The following ESPL1 variants were observed in gnomAD, a reference collection of about 807,000 sequenced individuals.
ESPL1 encodes extra spindle pole bodies like 1, separase, also known as separin.
A neutral mutation model predicts 217.2 loss-of-function variants in ESPL1; 50 were observed. That is an observed-to-expected ratio of 0.23 (90% CI 0.18 to 0.29). The LOEUF is 0.29. ESPL1 is among the 10% of genes least tolerant of loss of function. ESPL1 has a pLI of 1.00. For missense variants in ESPL1, 1,834 were observed against 2,603.0 expected (o/e 0.70, Z 6.43); for synonymous variants, 994 against 1,081.3 (o/e 0.92, Z 1.58).
rs536953643 is a variant in ESPL1, at chr12:53,282,118, C to T, written c.2620-146C>T. Reference sequence around the variant, plus strand: ...ATTCTGCCTAGGTCCAGGGAGATCTCGAAAGCCAGGCAAATATTCAGAAAA... The same window carrying T: ...ATTCTGCCTAGGTCCAGGGAGATCTTGAAAGCCAGGCAAATATTCAGAAAA... On this transcript the variant is annotated intron_variant, in intron 13 of 30. Coordinates refer to ENST00000257934, the MANE Select transcript of ESPL1 (RefSeq NM_012291.5). This position sits in a 1 kb window ranked among gnomAD's most constrained non-coding sequence, Gnocchi z 4.0. 1.0e-5 allele frequency: 7 copies of T among 674,348 alleles called. No individual in the cohort carries two copies. The highest frequency in any genetic ancestry group is 2.7e-5 in the Admixed American group (1 of 37,102). 41.8% of individuals were successfully genotyped at this position (674,348 alleles called of 1,614,324 possible). A position where few individuals can be genotyped will look rare whatever the true frequency, so the allele number is the denominator to read the frequency against.
rs1404072969 is a variant in ESPL1, at chr12:53,277,230, G to T, written c.2085+3G>T. 3 of 1,605,040 alleles carry T rather than the reference G, an allele frequency of 1.9e-6. No homozygotes were observed. In the Admixed American group the frequency reaches 5.0e-5, roughly 27 times the overall value. On this transcript the variant is annotated splice_donor_region_variant and intron_variant, in intron 9 of 30. Transcript: ENST00000257934. The stretch of plus-strand genomic sequence containing the variant: ...CTCTGGAAGCCAAAATGCAGGAAGT[G>T]AGTGTGGCTGCTGTGGGGCTCACCA...
Position 53,286,116 on chromosome 12 carries a change from C to G in ESPL1, c.3380C>G (p.Pro1127Arg). The G allele has an allele frequency of 6.2e-7, 1 of 1,613,900 alleles. No homozygotes were observed. The highest frequency in any genetic ancestry group is 8.5e-7 in the Non-Finnish European group (1 of 1,179,782). The change falls in exon 18 of 31, where the codon CCA (proline) becomes CGA (arginine). Residue 1127 changes from proline (P) to arginine (R), a missense_variant. By Grantham distance (103) the Pro-to-Arg change is moderately radical. This residue lies in a region of ESPL1 where 681 missense variants were observed against 808.0 expected (regional missense o/e 0.84). Coordinates refer to ENST00000257934, the MANE Select transcript of ESPL1 (RefSeq NM_012291.5). This position sits in a 1 kb window ranked among gnomAD's most constrained non-coding sequence, Gnocchi z 5.3. ...GPIAPSTNSSPVLKTKPQPIP... is the reference protein window; with the variant it reads ...GPIAPSTNSSRVLKTKPQPIP... ...ATAGCACCTTCTACAAACTCCTCCC[C>G]AGTCTTGAAAACCAAGCCCCAGCCC...
In ESPL1 at chr12:53,292,797, C is replaced by T; in HGVS notation, c.5997-9C>T. The T allele has an allele frequency of 6.2e-7, 1 of 1,607,724 alleles. No individual in the cohort carries two copies. The highest frequency in any genetic ancestry group is 8.5e-7 in the Non-Finnish European group (1 of 1,179,760). On this transcript the variant is annotated splice_polypyrimidine_tract_variant and intron_variant, in intron 29 of 30. Coordinates refer to ENST00000257934, the MANE Select transcript of ESPL1 (RefSeq NM_012291.5). The surrounding 1 kb of genome is among the most constrained non-coding windows in gnomAD (Gnocchi z 4.5). ...AGCTCAAGACTCATCTCACCTCCTTCTGCCTTAGCTATGCAGGGCATGGGG... is the reference window on the plus strand; with the variant it reads ...AGCTCAAGACTCATCTCACCTCCTTTTGCCTTAGCTATGCAGGGCATGGGG...
chr12:53,277,139 A>C lies in ESPL1; in HGVS notation c.1997A>C (p.Glu666Ala). 1 of 1,614,076 alleles carries C rather than the reference A, an allele frequency of 6.2e-7. No individual in the cohort carries two copies. Among genetic ancestry groups the C allele is most frequent in the Non-Finnish European group, 8.5e-7 (1 of 1,179,884 alleles). ...ALQLLDSVRP[E>A]AQARDQLLDD... Reference sequence around the variant, plus strand: ...CAGCTTCTGGACTCTGTGAGGCCTGAGGCCCAGGCCAGAGATCAGCTTCTG... The same window carrying C: ...CAGCTTCTGGACTCTGTGAGGCCTGCGGCCCAGGCCAGAGATCAGCTTCTG... Residue 666 changes from glutamate (E) to alanine (A), a missense_variant, in exon 9 of 31, where the codon GAG (glutamate) becomes GCG (alanine). Glu to Ala is a moderately radical substitution (Grantham distance 107). Transcript: ENST00000257934.
intron 11 of ESPL1, among the ~76,000 whole-genome samples, chr12:53,279,414 C>A (rs1943824858): frequency 6.6e-6 from 1 of 152,206 alleles, no homozygotes; most frequent in East Asian, 1.9e-4. Flanking sequence ...AGCAACTTAA[C>A]CCATGTGAGT....
chr12:53,282,164 CCAGGGCCTT>C lies in ESPL1; in HGVS notation c.2620-94_2620-86del, dbSNP rs368880689. 1.4e-4 allele frequency: 132 copies of C among 932,678 alleles called. No individual in the cohort carries two copies. Among genetic ancestry groups the C allele is most frequent in the Non-Finnish European group, 1.8e-4 (108 of 586,738 alleles). The allele number at this position is 932,678 out of a possible 1,614,324, so 57.8% of individuals were successfully genotyped here. ...GAAAATTCTAAAATCTTTCTAATACCCAGGGCCTTCAGGGATGGGGCCACGTAATCTCCA... is the reference window on the plus strand; with the variant it reads ...GAAAATTCTAAAATCTTTCTAATACCCAGGGATGGGGCCACGTAATCTCCA... On this transcript the variant is annotated intron_variant, in intron 13 of 30. Transcript: ENST00000257934. The surrounding 1 kb of genome is among the most constrained non-coding windows in gnomAD (Gnocchi z 4.0).
intron 10 of ESPL1, 42 bp from the exon 11 acceptor site, chr12:53,277,779 G>A: frequency 6.2e-7 from 1 of 1,606,492 alleles, no homozygotes; most frequent in South Asian, 1.1e-5. Flanking sequence ...CTCTCCAGAT[G>A]GCCCATGCTG....
rs1442399526 is a variant in ESPL1, at chr12:53,286,286, C to T, written c.3550C>T (p.Leu1184=). 6.2e-7 allele frequency: 1 copy of T among 1,614,098 alleles called. No homozygotes were observed. Among genetic ancestry groups the T allele is most frequent in the Non-Finnish European group, 8.5e-7 (1 of 1,180,048 alleles). Residue 1184 remains leucine (L), a synonymous_variant, in exon 18 of 31, where the codon CTG becomes TTG. Transcript: ENST00000257934. This position sits in a 1 kb window ranked among gnomAD's most constrained non-coding sequence, Gnocchi z 5.3. ...MGHQAQGLDL[L]QVVLKGCPEA... ...CCACCAAGCCCAGGGTCTGGATCTG[C>T]TGCAGGTCGTGCTGAAGGGCTGTCC...
rs1944072380 is a variant in ESPL1 at position 53,292,131 on chromosome 12, G to C, written c.5796+43G>C. 4 of 1,526,046 alleles carry C rather than the reference G, an allele frequency of 2.6e-6. No homozygotes were observed. The highest frequency in any genetic ancestry group is 1.4e-5 in the African/African-American group (1 of 73,156). The allele number at this position is 1,526,046 out of a possible 1,614,324, so 94.5% of individuals were successfully genotyped here. On this transcript the variant is annotated intron_variant, in intron 27 of 30. Coordinates refer to ENST00000257934, the MANE Select transcript of ESPL1 (RefSeq NM_012291.5). This position sits in a 1 kb window ranked among gnomAD's most constrained non-coding sequence, Gnocchi z 4.5. ...GTGTCTGGGGATGACTGGCGACTGG[G>C]GAAGACGTCAACAAAGAAGGGCAGA...
chr12:53,274,756 C>G, intron 6 of ESPL1, 61 bp from the exon 7 acceptor site: 1 of 1,415,490 alleles, frequency 7.1e-7, no homozygotes, highest in Non-Finnish European at 9.9e-7. Flanking sequence ...TGCATATCCC[C>G]TTCCACCATA....
intron 5 of ESPL1, among the ~76,000 whole-genome samples, chr12:53,272,206 G>T (rs1035138828): frequency 3.3e-5 from 5 of 152,202 alleles, no homozygotes; most frequent in Admixed American, 2.0e-4. Flanking sequence ...GTTCTAGTTT[G>T]GGGGGAAAAG....
chr12:53,289,262 C>T lies in ESPL1; in HGVS notation c.4881C>T (p.Thr1627=). The change falls in exon 21 of 31, where the codon ACC becomes ACT. Residue 1627 remains threonine, a synonymous_variant. Transcript: ENST00000257934. ...AFLVTESVSI[T]CRHQLLTHLH... is the part of the protein sequence containing the mutation. ...TTGTCACCGAGTCTGTCTCCATCACCTGTCGCCACCAGCTGCTCACCCACC... is the reference window on the plus strand; with the variant it reads ...TTGTCACCGAGTCTGTCTCCATCACTTGTCGCCACCAGCTGCTCACCCACC... The T allele has an allele frequency of 4.3e-6, 7 of 1,612,240 alleles. No homozygotes were observed. In the Middle Eastern group the frequency reaches 4.9e-4, roughly 114 times the overall value.
intron 13 of ESPL1, 68 bp downstream of exon 13, chr12:53,281,694 T>C: frequency 6.7e-7 from 1 of 1,482,032 alleles, no homozygotes; most frequent in South Asian, 1.2e-5. Context: ...TTCTTGATAT[T>C]TGCCTGGCTT....
Position 53,276,702 on chromosome 12 carries a change from G to T in ESPL1, c.1783G>T (p.Val595Leu), listed in dbSNP as rs777689637. 1.3e-5 allele frequency: 21 copies of T among 1,613,156 alleles called. No individual in the cohort carries two copies. The highest frequency in any genetic ancestry group is 5.0e-5 in the Admixed American group (3 of 60,008). ...GGAGGAGCTGCAGGCCTACAAGGCGGTGCGGGCCGACACTGGACAGGAACG... is the reference window on the plus strand; with the variant it reads ...GGAGGAGCTGCAGGCCTACAAGGCGTTGCGGGCCGACACTGGACAGGAACG... ...LREELQAYKA[V>L]RADTGQERFN... The change falls in exon 8 of 31, where the codon GTG becomes TTG. Residue 595 changes from valine (V) to leucine (L), a missense_variant. Val to Leu is a conservative substitution (Grantham distance 32). This residue lies in a region of ESPL1 where 746 missense variants were observed against 1,077.0 expected (regional missense o/e 0.69). Transcript: ENST00000257934.
intron 12 of ESPL1, among the ~76,000 whole-genome samples, chr12:53,281,134 CTTTTTT>C (rs71068103): frequency 5.5e-5 from 4 of 72,400 alleles, no homozygotes; most frequent in African/African-American, 1.6e-4. Context: ...CTTTACTCCA[CTTTTTT>C]TTTTTTTTTT....
chr12:53,292,502 T>A lies in ESPL1; in HGVS notation c.5913-72T>A. On this transcript the variant is annotated intron_variant, in intron 28 of 30. Transcript: ENST00000257934. This position sits in a 1 kb window ranked among gnomAD's most constrained non-coding sequence, Gnocchi z 4.5. ...TTGCAGCCCACCTTCTATCTAATGA[T>A]CCCTCTGCTGTCTTTGCCACCTGAC... 1 of 1,415,676 alleles carries A rather than the reference T, an allele frequency of 7.1e-7. No individual in the cohort carries two copies. Among genetic ancestry groups the A allele is most frequent in the Non-Finnish European group, 1.0e-6 (1 of 1,000,800 alleles). 87.7% of individuals were successfully genotyped at this position (1,415,676 alleles called of 1,614,324 possible). A position where few individuals can be genotyped will look rare whatever the true frequency, so the allele number is the denominator to read the frequency against.
At chr12:53,284,996 G>A (rs2120957704) in intron 17 of ESPL1, among the ~76,000 whole-genome samples, 1 of 126,016 alleles carries the variant, frequency 7.9e-6, no homozygotes, top group Admixed American at 8.8e-5. Context: ...GGGTGACAGT[G>A]CGAGACTCTG....
chr12:53,290,021 G>A (rs1250236325), intron 22 of ESPL1, 64 bp from the exon 23 acceptor site: 4 of 1,567,858 alleles, frequency 2.6e-6, no homozygotes, highest in Admixed American at 3.5e-5. Flanking sequence ...GGAATTGAGT[G>A]CCCAAGACAG....
chr12:53,273,019 C>G (rs1943703188), intron 6 of ESPL1, among the ~76,000 whole-genome samples, 162 bp downstream of exon 6: 2 of 150,238 alleles, frequency 1.3e-5, no homozygotes. Context: ...TGTACTGTTA[C>G]TTACTGTTGA....
Sources: gnomAD v4.1 joint callset for allele counts (sites outside exome capture counted in the v4.1 genomes callset) on GRCh38, gnomAD v4.1.1 for gene constraint, gnomAD v4.1.1 regional missense constraint, Gnocchi (gnomAD v3.1) non-coding constraint, MANE v1.5 for transcripts, NCBI Gene and HGNC (gene_info 2026-07-23, HGNC 2026-07-21) for gene names.